NMNAT3: variants seen among roughly 807,000 people sequenced by gnomAD.
NMNAT3 encodes nicotinamide/nicotinic acid mononucleotide adenylyltransferase 3.
Under a neutral mutation model 24.8 loss-of-function variants are expected in NMNAT3, and 21 were observed. The observed-to-expected ratio is 0.85, with a 90% confidence interval of 0.60 to 1.22. The LOEUF (loss-of-function observed/expected upper bound fraction) is 1.22, where lower values mean the gene tolerates loss of function less well. Among genes scored for constraint, NMNAT3 ranks in the 50% most tolerant of loss-of-function variants. The probability of loss-of-function intolerance (pLI) is 0.00; values close to 1 mark genes in which losing one functional copy is unlikely to be tolerated. For missense variants in NMNAT3, 387 were observed against 436.6 expected (o/e 0.89, Z 1.01); for synonymous variants, 136 against 155.2 (o/e 0.88, Z 0.92).
intron 6 of NMNAT3, chr3:139,569,908 A>C (rs1159757047): frequency 2.0e-5 from 3 of 152,186 alleles, no homozygotes; most frequent in Non-Finnish European, 4.4e-5. Context: ...AGACTGGGGA[A>C]GTTCTCCTGG....
chr3:139,625,085 A>G (rs2055993589), intron 3 of NMNAT3, among the ~76,000 whole-genome samples: 1 of 152,210 alleles, frequency 6.6e-6, no homozygotes, highest in African/African-American at 2.4e-5. Context: ...TGTGATTATG[A>G]AATGACCTTA....
Position 139,560,661 on chromosome 3 carries a change from G to A in NMNAT3, c.*349C>T. On this transcript the variant is annotated 3_prime_UTR_variant, in exon 7 of 7. Coordinates refer to ENST00000643695, the MANE Select transcript of NMNAT3 (RefSeq NM_001320510.2). ...GGCAATTCTGATCTGACCCTCAGGG[G>A]CCGCTGCCATGCTCAGAACTGCATT... is the stretch of plus-strand genomic sequence containing the variant. 4.6e-6 allele frequency: 1 copy of A among 216,808 alleles called. No homozygotes were observed. The highest frequency in any genetic ancestry group is 9.2e-6 in the Non-Finnish European group (1 of 109,022). 13.4% of individuals were successfully genotyped at this position (216,808 alleles called of 1,614,324 possible). A position where few individuals can be genotyped will look rare whatever the true frequency, so the allele number is the denominator to read the frequency against.
chr3:139,572,439 A>G (rs1190797645), intron 6 of NMNAT3, among the ~76,000 whole-genome samples: 2 of 152,166 alleles, frequency 1.3e-5, no homozygotes, highest in Admixed American at 1.3e-4. Context: ...ACTCTCATGC[A>G]CAGCCCCCCA....
At position 139,573,633 on chromosome 3, in the gene NMNAT3, G is replaced by A; in HGVS notation, c.623C>T (p.Pro208Leu). Residue 208 changes from proline to leucine, a missense_variant, in exon 6 of 7, where the codon CCA becomes CTA. Physicochemically the swap from Pro to Leu is moderately conservative, Grantham distance 98 (BLOSUM62 -3). Around this residue, in one of 3 missense-constraint regions of NMNAT3, gnomAD observed 323 missense variants for 345.2 expected, o/e 0.94. Transcript: ENST00000643695. ...CGAGAAGAGTGCCTTGCCATGGTCT[G>A]GGCCTTCCATCTGGGGTGGAGATCT... The A allele has an allele frequency of 1.2e-6, 2 of 1,606,402 alleles. No homozygotes were observed. The highest frequency in any genetic ancestry group is 2.2e-5 in the South Asian group (2 of 89,638).
chr3:139,620,972 A>G (rs1553752594), intron 3 of NMNAT3, among the ~76,000 whole-genome samples: 1 of 151,864 alleles, frequency 6.6e-6, no homozygotes, highest in Non-Finnish European at 1.5e-5. Flanking sequence ...TTTTTTTCCA[A>G]TTTTTGTAGA....
intron 6 of NMNAT3, chr3:139,566,324 C>G (rs1415637237): frequency 6.6e-6 from 1 of 151,908 alleles, no homozygotes; most frequent in African/African-American, 2.4e-5. Context: ...CCTGTTCACT[C>G]TGATGGTAGT....
chr3:139,601,624 C>T (rs979964299), intron 3 of NMNAT3, among the ~76,000 whole-genome samples: 7 of 152,166 alleles, frequency 4.6e-5, no homozygotes, highest in East Asian at 3.9e-4. Flanking sequence ...TTAGCACACA[C>T]TTCAAGCCAG....
At chr3:139,605,884 A>G (rs1180209698) in intron 3 of NMNAT3, among the ~76,000 whole-genome samples, 1 of 148,430 alleles carries the variant, frequency 6.7e-6, no homozygotes, top group Admixed American at 6.9e-5. Flanking sequence ...CCATGCACAT[A>G]TAACATTACT....
intron 1 of NMNAT3, among the ~76,000 whole-genome samples, chr3:139,669,411 G>A (rs1193292994): frequency 6.9e-6 from 1 of 144,670 alleles, no homozygotes. Context: ...GGAGGCGGAG[G>A]TTGAAGTGAG....
intron 1 of NMNAT3, among the ~76,000 whole-genome samples, chr3:139,641,425 C>T (rs1298378372): frequency 1.3e-5 from 2 of 152,156 alleles, no homozygotes; most frequent in African/African-American, 2.4e-5. Context: ...ACAAGCACAG[C>T]ATTTTCTATA....
intron 5 of NMNAT3, chr3:139,575,593 C>G: frequency 9.9e-7 from 1 of 1,005,310 alleles, no homozygotes; most frequent in Non-Finnish European, 1.2e-6. Flanking sequence ...CTTGAAGGTC[C>G]TAGTTCAGGT....
chr3:139,666,378 C>T (rs894166637), intron 1 of NMNAT3, among the ~76,000 whole-genome samples: 1 of 152,180 alleles, frequency 6.6e-6, no homozygotes, highest in Non-Finnish European at 1.5e-5. Context: ...CCTGATGTGC[C>T]ATTCCAGCAT....
chr3:139,611,086 A>G (rs994486218), intron 3 of NMNAT3, among the ~76,000 whole-genome samples: 6 of 152,094 alleles, frequency 3.9e-5, no homozygotes, highest in Non-Finnish European at 8.8e-5. Flanking sequence ...CTGGGTTGTT[A>G]TCTTTACGAT....
At chr3:139,659,372 G>A (rs1002977590) in intron 1 of NMNAT3, among the ~76,000 whole-genome samples, 2 of 152,146 alleles carry the variant, frequency 1.3e-5, no homozygotes, top group African/African-American at 4.8e-5. Flanking sequence ...AGATCAAAAA[G>A]CACAGTTCTA....
At chr3:139,636,357 T>C (rs1323447800) in intron 2 of NMNAT3, 2 of 151,878 alleles carry the variant, frequency 1.3e-5, no homozygotes, top group African/African-American at 4.8e-5. Context: ...CTACCATAAC[T>C]AAATTTGTTA....
chr3:139,600,519 G>C (rs564734837), intron 3 of NMNAT3, among the ~76,000 whole-genome samples: 26 of 152,096 alleles, frequency 1.7e-4, no homozygotes, highest in African/African-American at 6.0e-4. Context: ...TGTTGGTCAG[G>C]CTGGTCTCGA....
intron 3 of NMNAT3, among the ~76,000 whole-genome samples, chr3:139,596,937 TATATATATATATATATATA>T (rs2054496373): frequency 6.3e-5 from 5 of 79,988 alleles, no homozygotes; most frequent in African/African-American, 2.1e-4. Flanking sequence ...TATATATATA[TATATATATATATATATATA>T]TATATATATT....
intron 3 of NMNAT3, among the ~76,000 whole-genome samples, chr3:139,623,743 T>A (rs567130224): frequency 6.6e-6 from 1 of 152,202 alleles, no homozygotes; most frequent in South Asian, 2.1e-4. Context: ...CCACCAGGCC[T>A]GGCTAATTTT....
chr3:139,673,526 T>A (rs7639511), intron 1 of NMNAT3, among the ~76,000 whole-genome samples: 1 of 151,962 alleles, frequency 6.6e-6, no homozygotes, highest in Admixed American at 6.6e-5. Flanking sequence ...CCAACACTTT[T>A]GGCCCCTCTG....
Sources: allele counts gnomAD v4.1 joint callset (sites outside exome capture counted in the v4.1 genomes callset), GRCh38; gene constraint gnomAD v4.1.1; regional missense constraint gnomAD v4.1.1; transcripts MANE v1.5; gene names NCBI Gene and HGNC (gene_info 2026-07-23, HGNC 2026-07-21).